The following ABRAXAS1 variants were observed in gnomAD, a reference collection of about 807,000 sequenced individuals.
ABRAXAS1 encodes the protein abraxas 1, BRCA1 A complex subunit.
Under a neutral mutation model 38.4 loss-of-function variants are expected in ABRAXAS1, and 26 were observed. That is an observed-to-expected ratio of 0.68 (90% CI 0.50 to 0.94). ABRAXAS1 has a LOEUF of 0.94. Ranked by LOEUF, ABRAXAS1 falls within the 40% of genes least tolerant of loss-of-function variation. The pLI is 0.00. For synonymous variants in ABRAXAS1, 144 were observed against 165.5 expected (o/e 0.87, Z 1.00); for missense variants, 438 against 481.9 (o/e 0.91, Z 0.85).
chr4:83,462,332 T>C lies in ABRAXAS1; in HGVS notation c.*137A>G, dbSNP rs1411114073. 11 of 710,208 alleles carry C rather than the reference T, an allele frequency of 1.5e-5. No homozygotes were observed. The highest frequency in any genetic ancestry group is 2.6e-5 in the Non-Finnish European group (11 of 426,074). The allele number at this position is 710,208 out of a possible 1,614,324, so 44.0% of individuals were successfully genotyped here. On this transcript the variant is annotated 3_prime_UTR_variant, in exon 9 of 9. Coordinates refer to ENST00000321945, the MANE Select transcript of ABRAXAS1 (RefSeq NM_139076.3). ...TGAAGTAAATGCACTAAGAGTTATCTGTGTATTACTGCAAACAGGTGAACA... is the reference window on the plus strand; with the variant it reads ...TGAAGTAAATGCACTAAGAGTTATCCGTGTATTACTGCAAACAGGTGAACA...
rs1422799528 is a variant in ABRAXAS1 at position 83,462,606 on chromosome 4, T to C, written c.1093A>G (p.Thr365Ala). 4 of 1,614,074 alleles carry C rather than the reference T, an allele frequency of 2.5e-6. No homozygotes were observed. In the Admixed American group the frequency reaches 6.7e-5, roughly 27 times the overall value. The change falls in exon 9 of 9, where the codon ACA becomes GCA. Residue 365 changes from threonine to alanine, a missense_variant. Transcript: ENST00000321945. ...TCTGCTTTAGATCGTTTGTCTTGTG[T>C]ATCTAACAACCGAGATCTCTTGAAT... is the stretch of plus-strand genomic sequence containing the variant. ...WQFKRSRLLDTQDKRSKADTG... is the reference protein window; with the variant it reads ...WQFKRSRLLDAQDKRSKADTG...
At chr4:83,467,311 C>T (rs1476099869) in intron 7 of ABRAXAS1, 143 bp downstream of exon 7, 1 of 559,818 alleles carries the variant, frequency 1.8e-6, no homozygotes, top group African/African-American at 2.0e-5. Flanking sequence ...TGACACATTT[C>T]TCAGAAGGTA....
chr4:83,482,836 A>T (rs1723045500), intron 1 of ABRAXAS1, among the ~76,000 whole-genome samples: 1 of 152,246 alleles, frequency 6.6e-6, no homozygotes, highest in South Asian at 2.1e-4. Flanking sequence ...GCTATGGGCA[A>T]TATTTGTGTA....
chr4:83,477,502 G>C (rs568105037), intron 2 of ABRAXAS1: 6 of 388,336 alleles, frequency 1.5e-5, no homozygotes, highest in Non-Finnish European at 2.5e-5. Flanking sequence ...CAGTTTCCCA[G>C]TCATCTGATG....
At chr4:83,463,811 C>T in intron 7 of ABRAXAS1, 1 of 346,734 alleles carries the variant, frequency 2.9e-6, no homozygotes, top group East Asian at 4.3e-5. Flanking sequence ...TTGTAAAATG[C>T]TTTTTCACAT....
intron 1 of ABRAXAS1, among the ~76,000 whole-genome samples, chr4:83,482,489 GT>G (rs1288616233): frequency 2.0e-4 from 31 of 152,160 alleles, no homozygotes; most frequent in Admixed American, 1.9e-3. Context: ...TGGGCAGATA[GT>G]TTGAACCCAG....
In ABRAXAS1 at chr4:83,471,784, C is replaced by T. The variant is rs892965803; in HGVS notation, c.282+438G>A. ...ATTCAGGAGGCTGAGGCAGGAGAAT[C>T]GCTTGAACCCAGGAGGTGCACGATG... is the stretch of plus-strand genomic sequence containing the variant. On this transcript the variant is annotated intron_variant, in intron 4 of 8. Coordinates refer to ENST00000321945, the MANE Select transcript of ABRAXAS1 (RefSeq NM_139076.3). Among the ~76,000 whole-genome samples the T allele has an allele frequency of 7.2e-5, 11 of 152,046 alleles. No homozygotes were observed. The Middle Eastern group carries it at 0.01, about 141-fold the overall frequency.
In ABRAXAS1 at chr4:83,463,503, G is replaced by T; in HGVS notation, c.787C>A (p.Gln263Lys). ...EIEKRRGAQI[Q>K]AAREKNIQKD... Reference sequence around the variant, plus strand: ...TGTGTTGTTTACTTACTTGCTGCCTGAATCTGTGCTCCTCTCCTTTTCTCA... The same window carrying T: ...TGTGTTGTTTACTTACTTGCTGCCTTAATCTGTGCTCCTCTCCTTTTCTCA... The change falls in exon 8 of 9, where the codon CAG (glutamine) becomes AAG (lysine). Residue 263 changes from glutamine (Q) to lysine (K), a missense_variant. Gln to Lys is a moderately conservative substitution (Grantham distance 53, BLOSUM62 1). Transcript: ENST00000321945. 1 of 1,598,888 alleles carries T rather than the reference G, an allele frequency of 6.3e-7. No individual in the cohort carries two copies. Among genetic ancestry groups the T allele is most frequent in the Middle Eastern group, 2.1e-4 (1 of 4,808 alleles).
At chr4:83,484,758 A>G in intron 1 of ABRAXAS1, 1 of 402,974 alleles carries the variant, frequency 2.5e-6, no homozygotes, top group Non-Finnish European at 4.5e-6. Context: ...GGGTCGGAAA[A>G]GGGAAATAAC....
rs761761558 is a variant in ABRAXAS1 at position 83,462,767 on chromosome 4, C to T, written c.932G>A (p.Cys311Tyr). ...TACATCGAGATGGTGGTTGTAGTTA[C>T]AGCTACTTTTAGAAACATGTCTATT... ...LKNRHVSKSS[C>Y]NYNHHLDVVD... is the part of the protein sequence containing the mutation. Residue 311 changes from cysteine to tyrosine, a missense_variant, in exon 9 of 9, where the codon TGT becomes TAT. Physicochemically the swap from Cys to Tyr is radical, Grantham distance 194. This residue lies in a region of ABRAXAS1 where 184 missense variants were observed against 181.9 expected (regional missense o/e 1.01). Coordinates refer to ENST00000321945, the MANE Select transcript of ABRAXAS1 (RefSeq NM_139076.3). 1.2e-6 allele frequency: 2 copies of T among 1,613,962 alleles called. No homozygotes were observed. Among genetic ancestry groups the T allele is most frequent in the Non-Finnish European group, 1.7e-6 (2 of 1,179,980 alleles).
chr4:83,461,486 G>T lies in ABRAXAS1; in HGVS notation c.*983C>A. 1 of 342,918 alleles carries T rather than the reference G, an allele frequency of 2.9e-6. No homozygotes were observed. The highest frequency in any genetic ancestry group is 5.5e-6 in the Non-Finnish European group (1 of 182,810). 21.2% of individuals were successfully genotyped at this position (342,918 alleles called of 1,614,324 possible). On this transcript the variant is annotated 3_prime_UTR_variant, in exon 9 of 9. Transcript: ENST00000321945. ...AATAGAATGGAATTAAAACTGTTCA[G>T]AATGATTTTCCAACTAGCAAATATA...
intron 6 of ABRAXAS1, among the ~76,000 whole-genome samples, chr4:83,468,131 C>T (rs568990420): frequency 2.0e-5 from 3 of 151,860 alleles, no homozygotes; most frequent in East Asian, 3.9e-4. Flanking sequence ...GGAGAAACCC[C>T]GTCTCTACTA....
chr4:83,466,336 G>C (rs1382392182), intron 7 of ABRAXAS1, among the ~76,000 whole-genome samples: 7 of 152,040 alleles, frequency 4.6e-5, no homozygotes, highest in Non-Finnish European at 7.4e-5. Flanking sequence ...AGTTCTAAAA[G>C]GACCTGAACT....
Position 83,462,617 on chromosome 4 carries a change from C to T in ABRAXAS1, c.1082G>A (p.Arg361Gln), listed in dbSNP as rs201627097. 7.2e-5 allele frequency: 117 copies of T among 1,614,076 alleles called. No homozygotes were observed. The highest frequency in any genetic ancestry group is 6.8e-5 in the Non-Finnish European group (80 of 1,180,016). ...LDDRWQFKRS[R>Q]LLDTQDKRSK... ...TCGTTTGTCTTGTGTATCTAACAAC[C>T]GAGATCTCTTGAATTGCCATCTGTC... is the stretch of plus-strand genomic sequence containing the variant. Residue 361 changes from arginine to glutamine, a missense_variant, in exon 9 of 9, where the codon CGG becomes CAG. Arg to Gln is a conservative substitution (Grantham distance 43, BLOSUM62 1). This residue lies in a region of ABRAXAS1 where 184 missense variants were observed against 181.9 expected (regional missense o/e 1.01). Transcript: ENST00000321945.
rs1005198891 is a variant in ABRAXAS1, at chr4:83,461,957, A to G, written c.*512T>C. ...ATTTTATCTGGCAACTCTAGCCATA[A>G]TGTACTTCTAAAAAAGTATCACTTA... On this transcript the variant is annotated 3_prime_UTR_variant, in exon 9 of 9. Coordinates refer to ENST00000321945, the MANE Select transcript of ABRAXAS1 (RefSeq NM_139076.3). 2 of 229,516 alleles carry G rather than the reference A, an allele frequency of 8.7e-6. No homozygotes were observed. The highest frequency in any genetic ancestry group is 4.4e-5 in the African/African-American group (2 of 45,184). The allele number at this position is 229,516 out of a possible 1,614,324, so 14.2% of individuals were successfully genotyped here.
rs1306485734 is a variant in ABRAXAS1 at position 83,472,229 on chromosome 4, A to G, written c.275T>C (p.Val92Ala). The change falls in exon 4 of 9, where the codon GTC (valine) becomes GCC (alanine). Residue 92 changes from valine to alanine, a missense_variant. Val to Ala is a moderately conservative substitution (Grantham distance 64, BLOSUM62 0). Around this residue, in one of 3 missense-constraint regions of ABRAXAS1, gnomAD observed 194 missense variants for 269.0 expected, o/e 0.72. Coordinates refer to ENST00000321945, the MANE Select transcript of ABRAXAS1 (RefSeq NM_139076.3). ...AGATAAATTAGAGAATACCTTTTTG[A>G]CATTTGATAATATTTTCTTCAGTGC... ...EQALKKILSN[V>A]KKNVVGWYKF... 3.3e-6 allele frequency: 5 copies of G among 1,519,772 alleles called. No individual in the cohort carries two copies. The highest frequency in any genetic ancestry group is 4.4e-6 in the Non-Finnish European group (5 of 1,132,974). 94.1% of individuals were successfully genotyped at this position (1,519,772 alleles called of 1,614,324 possible).
intron 2 of ABRAXAS1, among the ~76,000 whole-genome samples, chr4:83,480,642 G>C (rs767859588): frequency 2.0e-5 from 3 of 151,990 alleles, no homozygotes; most frequent in Non-Finnish European, 4.4e-5. Context: ...AACCTTACAA[G>C]TGTTCATACC....
intron 1 of ABRAXAS1, 74 bp from the exon 2 acceptor site, chr4:83,482,318 A>T: frequency 1.1e-6 from 1 of 910,294 alleles, no homozygotes; most frequent in Non-Finnish European, 1.7e-6. Context: ...GTATTTCCTG[A>T]GTATTTTACT....
At chr4:83,470,620 T>C (rs1246123289) in intron 4 of ABRAXAS1, among the ~76,000 whole-genome samples, 2 of 152,200 alleles carry the variant, frequency 1.3e-5, no homozygotes, top group Non-Finnish European at 2.9e-5. Context: ...TTCATCAATA[T>C]AGATTAAAAG....
Sources: gnomAD v4.1 joint callset for allele counts (sites outside exome capture counted in the v4.1 genomes callset) on GRCh38, gnomAD v4.1.1 for gene constraint, gnomAD v4.1.1 regional missense constraint, MANE v1.5 for transcripts, NCBI Gene and HGNC (gene_info 2026-07-23, HGNC 2026-07-21) for gene names.